The following KCTD1 variants were observed in gnomAD, a reference collection of about 807,000 sequenced individuals.
The protein encoded by KCTD1 is BTB/POZ domain-containing protein KCTD1.
KCTD1 carries 24 observed loss-of-function variants against 66.0 expected under a neutral mutation model. The observed-to-expected ratio is 0.36, with a 90% CI of 0.26 to 0.51. The LOEUF (loss-of-function observed/expected upper bound fraction) is 0.51, where lower values mean the gene tolerates loss of function less well. KCTD1 is among the 20% of genes least tolerant of loss of function. The pLI is 0.95. For synonymous variants in KCTD1, 511 were observed against 517.2 expected, an observed-to-expected ratio of 0.99 and a Z score of 0.16; for missense variants, 943 against 1,205.2, an observed-to-expected ratio of 0.78 and a Z score of 3.22.
intron 1 of KCTD1, among the ~76,000 whole-genome samples, chr18:26,554,407 A>G (rs1449628403): frequency 6.6e-6 from 1 of 151,572 alleles, no homozygotes; most frequent in Non-Finnish European, 1.5e-5. Flanking sequence ...TGGACTGAGA[A>G]ACAGTGTCAC....
chr18:26,596,958 T>A (rs1484902576), intron 1 of KCTD1, among the ~76,000 whole-genome samples: 1 of 152,112 alleles, frequency 6.6e-6, no homozygotes, highest in Non-Finnish European at 1.5e-5. Flanking sequence ...CTTTCCTTCT[T>A]GAAAAATTTG....
chr18:26,644,766 A>AG (rs1555649408), upstream of KCTD1, among the ~76,000 whole-genome samples: 126 of 150,052 alleles, frequency 8.4e-4, no homozygotes, highest in African/African-American at 2.5e-3. Context: ...AAAAAAAAAA[A>AG]AGAGAGAGAG....
chr18:26,597,381 T>G (rs1279816937), intron 1 of KCTD1, among the ~76,000 whole-genome samples: 2 of 152,042 alleles, frequency 1.3e-5, no homozygotes, highest in Non-Finnish European at 2.9e-5. Flanking sequence ...GCAGCAGTGG[T>G]AATATTGATT....
At chr18:26,456,643 A>G (rs1413436586) in intron 4 of KCTD1, 1 of 152,230 alleles carries the variant, frequency 6.6e-6, no homozygotes, top group Non-Finnish European at 1.5e-5. Context: ...AACTTCTTAT[A>G]CAAATGTAAG....
chr18:26,515,670 C>T (rs768560883), intron 1 of KCTD1, among the ~76,000 whole-genome samples: 5 of 152,068 alleles, frequency 3.3e-5, no homozygotes, highest in African/African-American at 9.6e-5. Context: ...CCACCAAGCC[C>T]GGCTAATTTT....
At chr18:26,574,716 C>T (rs139546592) in intron 1 of KCTD1, among the ~76,000 whole-genome samples, 153 of 152,202 alleles carry the variant, frequency 1.0e-3, no homozygotes, top group African/African-American at 3.2e-3. Flanking sequence ...ATGTGAGTTG[C>T]GGTGAAGATC....
At chr18:26,499,715 GCTAT>G (rs1458587478) in intron 2 of KCTD1, among the ~76,000 whole-genome samples, 1 of 152,312 alleles carries the variant, frequency 6.6e-6, no homozygotes, top group African/African-American at 2.4e-5. Context: ...TAGACTGTAA[GCTAT>G]CTGTTATCTG....
intron 1 of KCTD1, among the ~76,000 whole-genome samples, chr18:26,593,312 A>G (rs1207556264): frequency 6.4e-5 from 8 of 125,490 alleles, no homozygotes; most frequent in African/African-American, 1.2e-4. Flanking sequence ...AGGAGAAGGA[A>G]GAGGAGGAGG....
chr18:26,472,116 T>TTGG (rs1169895124), intron 3 of KCTD1, among the ~76,000 whole-genome samples: 7 of 152,022 alleles, frequency 4.6e-5, no homozygotes, highest in Non-Finnish European at 1.0e-4. Context: ...GATTTTGTTC[T>TTGG]TGGTGGTGGT....
chr18:26,502,842 C>A (rs1982836142), intron 1 of KCTD1, among the ~76,000 whole-genome samples: 1 of 152,110 alleles, frequency 6.6e-6, no homozygotes, highest in Non-Finnish European at 1.5e-5. Flanking sequence ...TGATGGAGAC[C>A]ACAAAGGGGA....
At chr18:26,530,330 G>A (rs1209054049) in intron 1 of KCTD1, among the ~76,000 whole-genome samples, 1 of 152,174 alleles carries the variant, frequency 6.6e-6, no homozygotes, top group Non-Finnish European at 1.5e-5. Flanking sequence ...GTTAGAGGTT[G>A]AGCCAGGGAA....
At chr18:26,550,790 C>A (rs1243445969), upstream of KCTD1, among the ~76,000 whole-genome samples, 2 of 152,242 alleles carry the variant, frequency 1.3e-5, no homozygotes, top group African/African-American at 4.8e-5. This position sits in a 1 kb window ranked among gnomAD's most constrained non-coding sequence, Gnocchi z 5.4. Flanking sequence ...CACACTGGGA[C>A]CCCCACATAC....
At chr18:26,492,070 C>A (rs551581546) in intron 2 of KCTD1, among the ~76,000 whole-genome samples, 1 of 152,108 alleles carries the variant, frequency 6.6e-6, no homozygotes, top group East Asian at 1.9e-4. Flanking sequence ...AGTGAGACCT[C>A]GTCTCTACAA....
At chr18:26,549,891 G>C (rs1985483180), upstream of KCTD1, 9 of 811,872 alleles carry the variant, frequency 1.1e-5, no homozygotes, top group Non-Finnish European at 1.2e-5. Context: ...CGCCCCCGGC[G>C]CGCCCAGGCT....
chr18:26,588,387 G>A (rs1051076550), intron 1 of KCTD1, among the ~76,000 whole-genome samples: 1 of 152,082 alleles, frequency 6.6e-6, no homozygotes, highest in African/African-American at 2.4e-5. Flanking sequence ...TCCCTGGATA[G>A]TTTTTTAGGA....
rs1334143279 is a variant in KCTD1 at position 26,548,236 on chromosome 18, A to G, written c.301T>C (p.Trp101Arg). ...EEEEEEMGLD[W>R]DEPLEPEDSA... ...TCCTCGGGCTCCAGGGGCTCGTCCC[A>G]GTCCAGCCCCATCTCCTCCTCTTCC... Residue 101 changes from tryptophan (W) to arginine (R), a missense_variant, in exon 1 of 5, where the codon TGG becomes CGG. Physicochemically the swap from Trp to Arg is moderately radical, Grantham distance 101. Coordinates refer to ENST00000580059, the MANE Select transcript of KCTD1 (RefSeq NM_001142730.3). 6.6e-7 allele frequency: 1 copy of G among 1,508,530 alleles called. No homozygotes were observed. The highest frequency in any genetic ancestry group is 8.8e-7 in the Non-Finnish European group (1 of 1,132,212). 93.4% of individuals were successfully genotyped at this position (1,508,530 alleles called of 1,614,324 possible).
chr18:26,522,622 T>C (rs1263547875), intron 1 of KCTD1, among the ~76,000 whole-genome samples: 2 of 152,150 alleles, frequency 1.3e-5, no homozygotes, highest in Non-Finnish European at 2.9e-5. Context: ...TGTAACTTTC[T>C]CAGGTTTAAT....
At chr18:26,518,516 G>A (rs1269015187) in intron 1 of KCTD1, among the ~76,000 whole-genome samples, 1 of 152,062 alleles carries the variant, frequency 6.6e-6, no homozygotes, top group East Asian at 1.9e-4. Context: ...TGCCCACCTT[G>A]GCCTCCCAAA....
At chr18:26,600,097 C>T in intron 1 of KCTD1, 1 of 1,610,782 alleles carries the variant, frequency 6.2e-7, no homozygotes, top group Non-Finnish European at 8.5e-7. Context: ...TCCGGCTTCC[C>T]TGCAGGCTGC....
Sources: gnomAD v4.1 joint callset for allele counts (sites outside exome capture counted in the v4.1 genomes callset) on GRCh38, gnomAD v4.1.1 for gene constraint, Gnocchi (gnomAD v3.1) non-coding constraint, MANE v1.5 for transcripts, NCBI Gene and HGNC (gene_info 2026-07-23, HGNC 2026-07-21) for gene names.